The following DCDC1 variants were observed in gnomAD, a reference collection of about 807,000 sequenced individuals.
DCDC1 encodes the protein doublecortin domain containing 1, also known as doublecortin domain-containing protein 1.
DCDC1 carries 200 observed loss-of-function variants against 178.3 expected under a neutral mutation model. That is an observed-to-expected ratio of 1.12 (90% CI 1.00 to 1.26). DCDC1 has a LOEUF of 1.26. Among genes scored for constraint, DCDC1 ranks in the 50% most tolerant of loss-of-function variants. DCDC1 has a pLI of 0.00. For missense variants in DCDC1, 1,983 were observed against 1,749.2 expected, an observed-to-expected ratio of 1.13 and a Z score of -2.38; for synonymous variants, 690 against 604.8, an observed-to-expected ratio of 1.14 and a Z score of -2.07.
intron 21 of DCDC1, among the ~76,000 whole-genome samples, chr11:30,950,543 T>G (rs1948354203): frequency 6.6e-6 from 1 of 152,158 alleles, no homozygotes; most frequent in African/African-American, 2.4e-5. Flanking sequence ...ATCCTGTCAT[T>G]TGCAACAACA....
intron 14 of DCDC1, among the ~76,000 whole-genome samples, chr11:31,103,002 A>T (rs1958605431): frequency 6.6e-6 from 1 of 152,202 alleles, no homozygotes. Context: ...GAGTAAGAGT[A>T]GAGTAATATG....
intron 1 of DCDC1, among the ~76,000 whole-genome samples, chr11:31,358,454 C>T (rs997541516): frequency 2.6e-5 from 4 of 151,786 alleles, no homozygotes; most frequent in Admixed American, 6.6e-5. Flanking sequence ...GGATTAAAGA[C>T]TTAAACGTTA....
At chr11:31,249,160 C>T (rs1943788165) in intron 8 of DCDC1, among the ~76,000 whole-genome samples, 1 of 151,856 alleles carries the variant, frequency 6.6e-6, no homozygotes, top group Non-Finnish European at 1.5e-5. Context: ...CAAGTGTACC[C>T]CAACAAAAAC....
chr11:30,873,345 A>G (rs1317781741), intron 38 of DCDC1, among the ~76,000 whole-genome samples: 93 of 54,792 alleles, frequency 1.7e-3, no homozygotes, highest in African/African-American at 5.7e-3. Flanking sequence ...GTGTATATAC[A>G]TATATATATA....
intron 9 of DCDC1, among the ~76,000 whole-genome samples, chr11:31,169,344 T>C (rs901940691): frequency 6.6e-6 from 1 of 152,198 alleles, no homozygotes; most frequent in African/African-American, 2.4e-5. Context: ...TGTATACCAC[T>C]GAACATAAAG....
intron 9 of DCDC1, among the ~76,000 whole-genome samples, chr11:31,209,438 A>C (rs1972243943): frequency 1.3e-5 from 2 of 152,234 alleles, no homozygotes; most frequent in Admixed American, 1.3e-4. Context: ...AGTGTCAAAT[A>C]TTACAGAGTG....
intron 22 of DCDC1, 129 bp from the exon 23 acceptor site, chr11:30,925,537 T>G: frequency 1.3e-6 from 1 of 788,384 alleles, no homozygotes. Flanking sequence ...AGTCATGAGC[T>G]GGACTCTGGG....
intron 10 of DCDC1, among the ~76,000 whole-genome samples, chr11:31,134,292 T>G (rs1320579469): frequency 6.6e-6 from 1 of 152,132 alleles, no homozygotes; most frequent in East Asian, 1.9e-4. Context: ...GACCTCTAAC[T>G]CCAAGAGCAT....
chr11:31,025,541 G>A (rs1364792428), intron 20 of DCDC1, among the ~76,000 whole-genome samples: 1 of 151,384 alleles, frequency 6.6e-6, no homozygotes, highest in Non-Finnish European at 1.5e-5. Flanking sequence ...CCTGTTTAGG[G>A]GCAAAAGTAT....
chr11:31,348,546 C>T (rs1044279951), intron 1 of DCDC1, among the ~76,000 whole-genome samples: 26 of 152,178 alleles, frequency 1.7e-4, no homozygotes, highest in African/African-American at 6.0e-4. Flanking sequence ...TTTTCTGCCA[C>T]TCAACATGCC....
chr11:31,213,121 C>CCTCTCCTCT (rs1972898773), intron 9 of DCDC1, among the ~76,000 whole-genome samples: 1 of 123,002 alleles, frequency 8.1e-6, no homozygotes, highest in Non-Finnish European at 1.7e-5. Flanking sequence ...CTCTCTCTCT[C>CCTCTCCTCT]TCTCTCTCTC....
intron 18 of DCDC1, among the ~76,000 whole-genome samples, chr11:31,069,084 C>T (rs1956413354): frequency 6.6e-6 from 1 of 152,266 alleles, no homozygotes; most frequent in Non-Finnish European, 1.5e-5. Context: ...ATCTCCTGAC[C>T]TTGTGATCTG....
At chr11:30,932,106 T>C (rs954312155) in intron 21 of DCDC1, among the ~76,000 whole-genome samples, 154 bp from the exon 22 acceptor site, 2 of 152,198 alleles carry the variant, frequency 1.3e-5, no homozygotes, top group Admixed American at 6.6e-5. Flanking sequence ...CAATTCTAAT[T>C]AATGTTTTAT....
intron 20 of DCDC1, among the ~76,000 whole-genome samples, chr11:30,996,925 T>C (rs1158708159): frequency 6.6e-6 from 1 of 152,170 alleles, no homozygotes; most frequent in Non-Finnish European, 1.5e-5. Flanking sequence ...CACCAAATAT[T>C]GAAAACAACT....
intron 20 of DCDC1, among the ~76,000 whole-genome samples, chr11:30,975,506 A>T (rs1950052269): frequency 6.6e-6 from 1 of 152,090 alleles, no homozygotes; most frequent in Non-Finnish European, 1.5e-5. Flanking sequence ...AACCTCTGAG[A>T]TAATCAATAA....
At chr11:31,029,567 CAA>C (rs1036879662) in intron 20 of DCDC1, among the ~76,000 whole-genome samples, 2 of 151,930 alleles carry the variant, frequency 1.3e-5, no homozygotes, top group African/African-American at 4.8e-5. Flanking sequence ...TTTTAGCAAA[CAA>C]ATATTTTGTT....
At chr11:30,989,838 G>A (rs1950873640) in intron 20 of DCDC1, among the ~76,000 whole-genome samples, 1 of 152,138 alleles carries the variant, frequency 6.6e-6, no homozygotes, top group African/African-American at 2.4e-5. Flanking sequence ...GGTTGTTCTT[G>A]TAAAAAGTTG....
intron 21 of DCDC1, among the ~76,000 whole-genome samples, chr11:30,949,821 C>G (rs934851461): frequency 1.2e-4 from 16 of 130,746 alleles, no homozygotes; most frequent in Non-Finnish European, 2.4e-4. Context: ...CAGATGGACA[C>G]AGGGAGGGGA....
chr11:31,012,449 AT>A (rs1459698843), intron 20 of DCDC1, among the ~76,000 whole-genome samples: 2 of 151,800 alleles, frequency 1.3e-5, no homozygotes, highest in Non-Finnish European at 2.9e-5. Context: ...AAATATATAT[AT>A]TTTTAATTAC....
Sources: allele counts gnomAD v4.1 joint callset (sites outside exome capture counted in the v4.1 genomes callset), GRCh38; gene constraint gnomAD v4.1.1; transcripts MANE v1.5; gene names NCBI Gene and HGNC (gene_info 2026-07-23, HGNC 2026-07-21).